The following DDX31 variants were observed in gnomAD, a reference collection of about 807,000 sequenced individuals.
The protein encoded by DDX31 is ATP-dependent DNA helicase DDX31.
DDX31 carries 70 observed loss-of-function variants against 91.3 expected under a neutral mutation model. The ratio of observed to expected loss-of-function variants is 0.77; its 90% CI spans 0.63 to 0.94. DDX31 has a LOEUF of 0.94. Among genes scored for constraint, DDX31 ranks in the 40% least tolerant of loss-of-function variants. The probability of loss-of-function intolerance (pLI) is 0.00; values close to 1 mark genes in which losing one functional copy is unlikely to be tolerated. For missense variants in DDX31, 902 were observed against 925.0 expected (o/e 0.98, Z 0.32); for synonymous variants, 362 against 350.6 (o/e 1.03, Z -0.36).
At chr9:132,625,786 T>C (rs755144199) in intron 16 of DDX31, 41 bp from the exon 17 acceptor site, 3 of 1,534,560 alleles carry the variant, frequency 2.0e-6, no homozygotes, top group Non-Finnish European at 2.7e-6. Flanking sequence ...TTTTGCTCTT[T>C]CAAAAACACC....
chr9:132,657,368 A>G (rs1834633312), intron 6 of DDX31, among the ~76,000 whole-genome samples: 1 of 152,032 alleles, frequency 6.6e-6, no homozygotes. Context: ...ACTTTCATCC[A>G]CTCATTTTAG....
intron 15 of DDX31, among the ~76,000 whole-genome samples, chr9:132,630,793 T>A (rs1311668749): frequency 1.3e-5 from 2 of 152,230 alleles, no homozygotes; most frequent in African/African-American, 4.8e-5. Flanking sequence ...TTGGCCTACT[T>A]CCTTGGTAGA....
chr9:132,600,633 T>C (rs1798949554), intron 19 of DDX31, among the ~76,000 whole-genome samples: 1 of 152,174 alleles, frequency 6.6e-6, no homozygotes, highest in Admixed American at 6.5e-5. Flanking sequence ...TGGCCGATGT[T>C]TGAAAATGAA....
intron 14 of DDX31, among the ~76,000 whole-genome samples, chr9:132,641,389 T>G (rs1209233964): frequency 1.3e-5 from 2 of 152,238 alleles, no homozygotes; most frequent in Admixed American, 6.5e-5. Context: ...TTTTAATCTT[T>G]GGAGATAGCA....
intron 4 of DDX31, among the ~76,000 whole-genome samples, chr9:132,660,335 C>CAAAAAAAAAAAAAAAAAGAAA (rs1834856197): frequency 1.8e-5 from 1 of 55,322 alleles, no homozygotes; most frequent in Non-Finnish European, 3.8e-5. Flanking sequence ...AACTCCGTCT[C>CAAAAAAAAAAAAAAAAAGAAA]AAAAAAAAAA....
intron 3 of DDX31, among the ~76,000 whole-genome samples, chr9:132,661,755 T>C (rs1289840832): frequency 6.6e-6 from 1 of 152,178 alleles, no homozygotes; most frequent in Non-Finnish European, 1.5e-5. Context: ...GAGAACTCAC[T>C]TTTTTTCCTT....
At chr9:132,611,446 T>C (rs1335278468) in intron 19 of DDX31, among the ~76,000 whole-genome samples, 3 of 152,138 alleles carry the variant, frequency 2.0e-5, no homozygotes, top group African/African-American at 7.2e-5. Context: ...AAATGTAGCA[T>C]GCTGAGGGAA....
intron 19 of DDX31, among the ~76,000 whole-genome samples, chr9:132,601,927 G>C (rs1830744089): frequency 1.3e-5 from 2 of 152,206 alleles, no homozygotes; most frequent in African/African-American, 4.8e-5. Flanking sequence ...AGCCTGTTAG[G>C]AAAGTACTCA....
chr9:132,661,434 C>A (rs1834938102), intron 3 of DDX31, among the ~76,000 whole-genome samples, 183 bp from the exon 4 acceptor site: 1 of 152,182 alleles, frequency 6.6e-6, no homozygotes, highest in African/African-American at 2.4e-5. Context: ...CCTGGGGACA[C>A]AGGGCAAAGT....
At chr9:132,656,224 T>C (rs979670931) in intron 6 of DDX31, among the ~76,000 whole-genome samples, 1 of 152,180 alleles carries the variant, frequency 6.6e-6, no homozygotes, top group Admixed American at 6.5e-5. Context: ...GCCCTCCAGA[T>C]AAGCTTTTTA....
Position 132,669,846 on chromosome 9 carries a change from G to A in DDX31, c.75+14C>T, listed in dbSNP as rs1202990154. ...CGCGGGTGGGGACGGAGCTGAAGCCGGGTCAGAACTCACCCGACTCGCCTG... is the reference window on the plus strand; with the variant it reads ...CGCGGGTGGGGACGGAGCTGAAGCCAGGTCAGAACTCACCCGACTCGCCTG... On this transcript the variant is annotated intron_variant, in intron 1 of 19. Coordinates refer to ENST00000372159, the MANE Select transcript of DDX31 (RefSeq NM_022779.9). The A allele has an allele frequency of 3.8e-6, 6 of 1,568,684 alleles. No individual in the cohort carries two copies. Among genetic ancestry groups the A allele is most frequent in the African/African-American group, 1.3e-5 (1 of 74,192 alleles).
chr9:132,599,382 C>T (rs1219686914), intron 19 of DDX31, among the ~76,000 whole-genome samples: 1 of 152,170 alleles, frequency 6.6e-6, no homozygotes, highest in African/African-American at 2.4e-5. Context: ...GGGGCAAGTT[C>T]CTGGCATAAA....
rs912060288 is a variant in DDX31, at chr9:132,648,268, G to A, written c.888C>T (p.Asp296=). Residue 296 remains aspartate (D), a synonymous_variant, in exon 11 of 20, where the codon GAC becomes GAT. Transcript: ENST00000372159. The part of the protein sequence containing the change: ...DRILDLGFEK[D]ITVILNAVNA... ...TTACAGCATTAAGTATCACTGTGATGTCCTTTTCAAAACCCAAATCCAAGA... is the reference window on the plus strand; with the variant it reads ...TTACAGCATTAAGTATCACTGTGATATCCTTTTCAAAACCCAAATCCAAGA... 3.7e-6 allele frequency: 6 copies of A among 1,611,550 alleles called. No individual in the cohort carries two copies. In the African/African-American group the frequency reaches 5.4e-5, roughly 14 times the overall value.
intron 13 of DDX31, among the ~76,000 whole-genome samples, chr9:132,643,688 C>T (rs921669461): frequency 6.6e-5 from 10 of 152,150 alleles, no homozygotes; most frequent in Non-Finnish European, 1.0e-4. Context: ...CCAAAGGACA[C>T]GCACACCTGG....
intron 17 of DDX31, 63 bp from the exon 18 acceptor site, chr9:132,618,504 T>C (rs1201644595): frequency 7.2e-7 from 1 of 1,389,992 alleles, no homozygotes; most frequent in African/African-American, 1.4e-5. Context: ...ATGAAGCAGT[T>C]TATAATAGAT....
At chr9:132,663,073 G>C in intron 1 of DDX31, 1 of 870,274 alleles carries the variant, frequency 1.1e-6, no homozygotes. Flanking sequence ...CATATTCCTA[G>C]GAACCCATTC....
At position 132,648,515 on chromosome 9, in the gene DDX31, A is replaced by G; in HGVS notation, c.777T>C (p.Pro259=). Residue 259 remains proline (P), a synonymous_variant, in exon 10 of 20, where the codon CCT becomes CCC. Transcript: ENST00000372159. ...RKGINILIST[P]GRLVDHIKST... is the part of the protein sequence containing the mutation. ...ATTTTATATGATCCACCAGGCGTCC[A>G]GGAGTTGAGATAAGGATATTTATTC... The G allele has an allele frequency of 1.2e-6, 2 of 1,613,680 alleles. No individual in the cohort carries two copies. Among genetic ancestry groups the G allele is most frequent in the Non-Finnish European group, 8.5e-7 (1 of 1,179,876 alleles).
At chr9:132,638,307 CATA>C in intron 14 of DDX31, 1 of 1,613,752 alleles carries the variant, frequency 6.2e-7, no homozygotes, top group Non-Finnish European at 8.5e-7. Flanking sequence ...AACTCGTCAA[CATA>C]ATGATGGTAT....
At chr9:132,618,204 G>T in intron 18 of DDX31, 126 bp downstream of exon 18, 1 of 649,890 alleles carries the variant, frequency 1.5e-6, no homozygotes, top group Non-Finnish European at 2.5e-6. Flanking sequence ...GGAGATTGAA[G>T]GCTTTGGCTG....
Sources: gnomAD v4.1 joint callset for allele counts (sites outside exome capture counted in the v4.1 genomes callset) on GRCh38, gnomAD v4.1.1 for gene constraint, MANE v1.5 for transcripts, NCBI Gene and HGNC (gene_info 2026-07-23, HGNC 2026-07-21) for gene names.